Variants in JAM3 observed in about 807,000 individuals in gnomAD.
The protein encoded by JAM3 is junctional adhesion molecule C.
JAM3 carries 31 observed loss-of-function variants against 39.4 expected under a neutral mutation model. The ratio of observed to expected loss-of-function variants is 0.79; its 90% CI spans 0.59 to 1.06. The LOEUF is 1.06. JAM3 is among the 50% of genes least tolerant of loss of function. The pLI, the probability that JAM3 is intolerant of heterozygous loss-of-function variation, is 0.00. For missense variants in JAM3, 455 were observed against 391.4 expected (o/e 1.16, Z -1.37); for synonymous variants, 182 against 148.7 (o/e 1.22, Z -1.63).
chr11:134,080,071 G>GA (rs1294787337), intron 1 of JAM3, among the ~76,000 whole-genome samples: 1 of 151,712 alleles, frequency 6.6e-6, no homozygotes, highest in East Asian at 1.9e-4. Flanking sequence ...TTACCATGAA[G>GA]AAAAAATGAA....
At chr11:134,131,151 A>G (rs2120818068) in intron 1 of JAM3, among the ~76,000 whole-genome samples, 1 of 149,636 alleles carries the variant, frequency 6.7e-6, no homozygotes, top group East Asian at 2.0e-4. Context: ...TAGATTCAGA[A>G]TAAGCCTAGC....
At chr11:134,125,170 C>A (rs1342264220) in intron 1 of JAM3, among the ~76,000 whole-genome samples, 1 of 152,212 alleles carries the variant, frequency 6.6e-6, no homozygotes, top group South Asian at 2.1e-4. Context: ...CCCGGCCGAT[C>A]GTGCCGCCGC....
intron 1 of JAM3, among the ~76,000 whole-genome samples, chr11:134,080,663 T>A (rs1329524624): frequency 6.6e-6 from 1 of 152,222 alleles, no homozygotes; most frequent in Non-Finnish European, 1.5e-5. Flanking sequence ...CTAATAAACC[T>A]CTTTCTTTTG....
chr11:134,085,304 A>G (rs1289190374), intron 1 of JAM3, among the ~76,000 whole-genome samples: 1 of 152,234 alleles, frequency 6.6e-6, no homozygotes, highest in Non-Finnish European at 1.5e-5. Context: ...ATTCCAAACT[A>G]TTAATATTAA....
chr11:134,081,508 G>C (rs551013274), intron 1 of JAM3, among the ~76,000 whole-genome samples: 43 of 152,378 alleles, frequency 2.8e-4, no homozygotes, highest in African/African-American at 1.0e-3. Flanking sequence ...CATGGCTTCA[G>C]AGGGTGCAAG....
intron 1 of JAM3, chr11:134,123,864 A>G (rs1313720620): frequency 8.4e-6 from 7 of 837,720 alleles, no homozygotes; most frequent in Middle Eastern, 3.5e-4. Flanking sequence ...TCTGAAGCGT[A>G]ATCACATCTT....
At chr11:134,147,026 C>A (rs1279142503) in intron 6 of JAM3, among the ~76,000 whole-genome samples, 3 of 152,164 alleles carry the variant, frequency 2.0e-5, no homozygotes, top group African/African-American at 4.8e-5. Context: ...GTGAGACAAG[C>A]GTTCCGAAGG....
intron 6 of JAM3, among the ~76,000 whole-genome samples, chr11:134,146,609 C>T (rs1943076870): frequency 1.3e-5 from 2 of 152,032 alleles, no homozygotes. Context: ...GCTTTGTTGC[C>T]CAGGCTGGAG....
chr11:134,138,835 CTATT>C (rs1167790770), intron 1 of JAM3, among the ~76,000 whole-genome samples: 4 of 152,060 alleles, frequency 2.6e-5, no homozygotes, highest in East Asian at 3.9e-4. Context: ...TGAAATCTGA[CTATT>C]TAGAAAGAAA....
intron 1 of JAM3, among the ~76,000 whole-genome samples, chr11:134,079,871 C>T (rs751905414): frequency 3.3e-5 from 5 of 152,214 alleles, no homozygotes; most frequent in Non-Finnish European, 5.9e-5. Flanking sequence ...ATATCTTCCT[C>T]TTCTGAAAAT....
intron 1 of JAM3, among the ~76,000 whole-genome samples, chr11:134,136,717 T>C (rs1344874984): frequency 1.3e-5 from 2 of 152,166 alleles, no homozygotes; most frequent in Non-Finnish European, 2.9e-5. Context: ...GCTACCTGTA[T>C]TTAAATCTCA....
Position 134,149,798 on chromosome 11 carries a change from T to C in JAM3, c.*617T>C, listed in dbSNP as rs1943160374. On this transcript the variant is annotated 3_prime_UTR_variant, in exon 9 of 9. Coordinates refer to ENST00000299106, the MANE Select transcript of JAM3 (RefSeq NM_032801.5). ...GGTAAATTGGTTGCTGGAAGAGGGA[T>C]CTTGCCTGAGGAACCCTGCTTGTCC... 1 of 404,790 alleles carries C rather than the reference T, an allele frequency of 2.5e-6. No homozygotes were observed. The highest frequency in any genetic ancestry group is 5.0e-6 in the Non-Finnish European group (1 of 200,160). 25.1% of individuals were successfully genotyped at this position (404,790 alleles called of 1,614,324 possible). A position where few individuals can be genotyped will look rare whatever the true frequency, so the allele number is the denominator to read the frequency against.
chr11:134,140,731 G>A lies in JAM3; in HGVS notation c.217G>A (p.Glu73Lys), dbSNP rs1942958903. ...GATCGAGTGGAAGAAAATTCAAGATGAACAAACCACATATGTGTTTTTTGA... is the reference window on the plus strand; with the variant it reads ...GATCGAGTGGAAGAAAATTCAAGATAAACAAACCACATATGTGTTTTTTGA... ...PRIEWKKIQD[E>K]QTTYVFFDNK... The change falls in exon 3 of 9, where the codon GAA becomes AAA. Residue 73 changes from glutamate (E) to lysine (K), a missense_variant. Glu to Lys is a moderately conservative substitution (Grantham distance 56). Transcript: ENST00000299106. 1.2e-6 allele frequency: 2 copies of A among 1,613,590 alleles called. No homozygotes were observed. Among genetic ancestry groups the A allele is most frequent in the Middle Eastern group, 1.7e-4 (1 of 6,060 alleles).
chr11:134,074,987 CTTT>C (rs57613157), intron 1 of JAM3, among the ~76,000 whole-genome samples: 15,112 of 124,322 alleles, frequency 0.12, 2,012 homozygotes, highest in African/African-American at 0.33. Flanking sequence ...AAGACAGCTG[CTTT>C]TTTTTTTTTT....
At chr11:134,111,311 T>C (rs1942305884) in intron 1 of JAM3, among the ~76,000 whole-genome samples, 2 of 151,916 alleles carry the variant, frequency 1.3e-5, no homozygotes, top group South Asian at 4.2e-4. Flanking sequence ...CCTGCTAATT[T>C]TTTTTGTTTT....
rs1943026317 is a variant in JAM3 at position 134,144,157 on chromosome 11, T to C, written c.257-84T>C. On this transcript the variant is annotated intron_variant, in intron 3 of 8. Coordinates refer to ENST00000299106, the MANE Select transcript of JAM3 (RefSeq NM_032801.5). ...CTGCAGGCTTCCTTGCTGTGGCATC[T>C]AGTGCTAGCCCCAGAAACCACCCTC... The C allele has an allele frequency of 2.2e-6, 3 of 1,349,096 alleles. No individual in the cohort carries two copies. In the South Asian group the frequency reaches 3.5e-5, roughly 16 times the overall value. The allele number at this position is 1,349,096 out of a possible 1,614,324, so 83.6% of individuals were successfully genotyped here.
At chr11:134,111,496 A>T (rs11223694) in intron 1 of JAM3, among the ~76,000 whole-genome samples, 2 of 152,120 alleles carry the variant, frequency 1.3e-5, no homozygotes, top group Non-Finnish European at 2.9e-5. Context: ...GAAAAGAGTC[A>T]GTAAAATCCT....
At chr11:134,131,364 A>G (rs1942766486) in intron 1 of JAM3, among the ~76,000 whole-genome samples, 1 of 152,096 alleles carries the variant, frequency 6.6e-6, no homozygotes, top group Non-Finnish European at 1.5e-5. Flanking sequence ...TTGAAAAGGA[A>G]TAGTCTTCTG....
rs571758987 is a variant in JAM3, at chr11:134,120,680, G to T, written c.77-19171G>T. On this transcript the variant is annotated intron_variant, in intron 1 of 8. Transcript: ENST00000299106. ...CACTACCACAAGGAAAGAGGACGGG[G>T]AGTTTGCACATTCAAACCTTGACGA... Among the ~76,000 whole-genome samples the T allele has an allele frequency of 4.6e-5, 7 of 152,272 alleles. No homozygotes were observed. The East Asian group carries it at 1.2e-3, about 25-fold the overall frequency.
Sources: gnomAD v4.1 joint callset for allele counts (sites outside exome capture counted in the v4.1 genomes callset) on GRCh38, gnomAD v4.1.1 for gene constraint, MANE v1.5 for transcripts, NCBI Gene and HGNC (gene_info 2026-07-23, HGNC 2026-07-21) for gene names.